DNAH12: variants seen among roughly 807,000 people sequenced by gnomAD.
The protein encoded by DNAH12 is dynein axonemal heavy chain 12.
Under a neutral mutation model 371.5 loss-of-function variants are expected in DNAH12, and 285 were observed. The observed-to-expected ratio is 0.77, with a 90% CI of 0.70 to 0.85. DNAH12 has a LOEUF of 0.85. Ranked by LOEUF, DNAH12 falls within the 40% of genes least tolerant of loss-of-function variation. DNAH12 has a pLI of 0.00. For missense variants in DNAH12, 3,611 were observed against 3,689.4 expected (o/e 0.98, Z 0.55); for synonymous variants, 1,200 against 1,213.0 (o/e 0.99, Z 0.22).
chr3:57,323,263 A>G lies in DNAH12; in HGVS notation c.10130-3T>C, dbSNP rs1007114913. 4 of 1,549,040 alleles carry G rather than the reference A, an allele frequency of 2.6e-6. No homozygotes were observed. The African/African-American group carries it at 4.1e-5, about 16-fold the overall frequency. On this transcript the variant is annotated splice_region_variant and splice_polypyrimidine_tract_variant and intron_variant, in intron 63 of 73. Coordinates refer to ENST00000495027, the MANE Select transcript of DNAH12 (RefSeq NM_001366028.2). ...ATCATTTGCAAATTTCAGCAGGCCT[A>G]TAAGAGGCACAAAAAAATGGTCACA...
At chr3:57,490,455 G>T (rs1428102655) in intron 11 of DNAH12, among the ~76,000 whole-genome samples, 2 of 152,270 alleles carry the variant, frequency 1.3e-5, no homozygotes, top group East Asian at 3.9e-4. Context: ...ATTAAACAAA[G>T]TAGTATCAAG....
At chr3:57,396,553 A>G (rs1018701746) in intron 43 of DNAH12, among the ~76,000 whole-genome samples, 1 of 151,416 alleles carries the variant, frequency 6.6e-6, no homozygotes, top group Non-Finnish European at 1.5e-5. Flanking sequence ...GCTTTCCACT[A>G]CAAGTGATTC....
At chr3:57,312,659 GA>G (rs1473795338) in intron 66 of DNAH12, among the ~76,000 whole-genome samples, 2 of 152,232 alleles carry the variant, frequency 1.3e-5, no homozygotes, top group Non-Finnish European at 2.9e-5. Flanking sequence ...GGCTTGGCCA[GA>G]AGATGATTGA....
chr3:57,295,418 G>A, intron 73 of DNAH12, 107 bp downstream of exon 73: 1 of 739,490 alleles, frequency 1.4e-6, no homozygotes, highest in Non-Finnish European at 2.2e-6. Context: ...TTATAATTGA[G>A]CTAGATCCTA....
At chr3:57,499,014 A>AACAC (rs1559723402) in intron 11 of DNAH12, among the ~76,000 whole-genome samples, 1 of 151,522 alleles carries the variant, frequency 6.6e-6, no homozygotes, top group Non-Finnish European at 1.5e-5. Context: ...CAAAAACAAA[A>AACAC]ACACACACAC....
intron 69 of DNAH12, among the ~76,000 whole-genome samples, chr3:57,305,067 C>T (rs1198500407): frequency 6.6e-6 from 1 of 152,142 alleles, no homozygotes; most frequent in Non-Finnish European, 1.5e-5. Flanking sequence ...AATACAAACT[C>T]GACAGTGGTT....
intron 13 of DNAH12, among the ~76,000 whole-genome samples, chr3:57,477,715 C>A (rs2066587037): frequency 6.6e-6 from 1 of 152,162 alleles, no homozygotes; most frequent in Admixed American, 6.5e-5. Flanking sequence ...GGGTACTCTT[C>A]TGAGACAAAA....
At chr3:57,478,181 A>T (rs1271479024) in intron 13 of DNAH12, among the ~76,000 whole-genome samples, 2 of 152,178 alleles carry the variant, frequency 1.3e-5, no homozygotes, top group Non-Finnish European at 2.9e-5. Flanking sequence ...CTTGAAAAAA[A>T]ATTAGACGAA....
At chr3:57,541,480 C>T (rs996455179) in intron 2 of DNAH12, among the ~76,000 whole-genome samples, 3 of 151,980 alleles carry the variant, frequency 2.0e-5, no homozygotes, top group African/African-American at 7.3e-5. Flanking sequence ...ATACTCCTGC[C>T]TCTGCCTCCC....
chr3:57,408,190 A>C, intron 40 of DNAH12, 90 bp downstream of exon 40: 2 of 1,364,982 alleles, frequency 1.5e-6, no homozygotes, highest in Non-Finnish European at 1.9e-6. Flanking sequence ...GACACCAAAG[A>C]CCAAAGCAGA....
chr3:57,322,524 G>A, intron 64 of DNAH12, 41 bp from the exon 65 acceptor site: 1 of 1,532,062 alleles, frequency 6.5e-7, no homozygotes, highest in African/African-American at 1.4e-5. Flanking sequence ...AAGATAGCAA[G>A]TGGAGGCTCT....
At position 57,459,686 on chromosome 3, in the gene DNAH12, TC is replaced by T; in HGVS notation, c.2836del (p.Asp946IlefsTer16). The part of the protein sequence containing the change: ...LYLEPIFCSE[D>X]IMQQMPEEGR... The stretch of plus-strand genomic sequence containing the variant: ...TTCTTCTGGCATCTGTTGCATGATA[TC>T]CTCAGAACAAAAGATGGGCTCTAAG... On this transcript the variant is annotated frameshift_variant, in exon 20 of 74. Coordinates refer to ENST00000495027, the MANE Select transcript of DNAH12 (RefSeq NM_001366028.2). LOFTEE classifies it high-confidence loss of function. 6.5e-7 allele frequency: 1 copy of T among 1,549,654 alleles called. No individual in the cohort carries two copies. The highest frequency in any genetic ancestry group is 8.7e-7 in the Non-Finnish European group (1 of 1,145,590).
At chr3:57,331,444 C>T (rs1249414682) in intron 62 of DNAH12, among the ~76,000 whole-genome samples, 3 of 152,032 alleles carry the variant, frequency 2.0e-5, no homozygotes, top group Admixed American at 6.5e-5. Context: ...CTGTGTATGT[C>T]TATACACAGA....
intron 23 of DNAH12, among the ~76,000 whole-genome samples, 158 bp downstream of exon 23, chr3:57,454,617 C>A (rs891670593): frequency 1.3e-5 from 2 of 152,086 alleles, no homozygotes; most frequent in African/African-American, 4.8e-5. Flanking sequence ...TGCCTCTAAT[C>A]CTAATACTTT....
At chr3:57,527,196 G>T (rs1049975734) in intron 2 of DNAH12, among the ~76,000 whole-genome samples, 1 of 152,020 alleles carries the variant, frequency 6.6e-6, no homozygotes, top group Non-Finnish European at 1.5e-5. Flanking sequence ...GGCCATTCTT[G>T]CATTGCTATA....
chr3:57,423,942 T>C (rs996883906), intron 35 of DNAH12, among the ~76,000 whole-genome samples: 2 of 151,946 alleles, frequency 1.3e-5, no homozygotes, highest in Non-Finnish European at 2.9e-5. Flanking sequence ...TTTCACCATG[T>C]TGGCCAGGCT....
intron 55 of DNAH12, among the ~76,000 whole-genome samples, chr3:57,371,811 T>C (rs1419029265): frequency 6.6e-6 from 1 of 151,352 alleles, no homozygotes; most frequent in Non-Finnish European, 1.5e-5. Context: ...AAAGTAAGAC[T>C]TAGAGTAGAC....
At chr3:57,464,555 A>C (rs1039476177) in intron 17 of DNAH12, among the ~76,000 whole-genome samples, 1 of 152,180 alleles carries the variant, frequency 6.6e-6, no homozygotes, top group African/African-American at 2.4e-5. Context: ...CAGACAAAAA[A>C]CACTGGAATA....
At chr3:57,529,123 C>T (rs1190559100) in intron 2 of DNAH12, among the ~76,000 whole-genome samples, 1 of 152,034 alleles carries the variant, frequency 6.6e-6, no homozygotes, top group Non-Finnish European at 1.5e-5. Context: ...TTTAATGTGT[C>T]GTTGAATTTG....
Sources: allele counts gnomAD v4.1 joint callset (sites outside exome capture counted in the v4.1 genomes callset), GRCh38; gene constraint gnomAD v4.1.1; transcripts MANE v1.5; gene names NCBI Gene and HGNC (gene_info 2026-07-23, HGNC 2026-07-21).